The following SMCO2 variants were observed in gnomAD, a reference collection of about 807,000 sequenced individuals.
SMCO2 encodes single-pass membrane protein with coiled-coil domains 2, also known as single-pass membrane and coiled-coil domain-containing protein 2.
SMCO2 carries 25 observed loss-of-function variants against 29.5 expected under a neutral mutation model. The observed-to-expected ratio is 0.85, with a 90% CI of 0.62 to 1.18. The LOEUF (loss-of-function observed/expected upper bound fraction) is 1.18, where lower values mean the gene tolerates loss of function less well. Ranked by LOEUF, SMCO2 falls within the 50% of genes most tolerant of loss-of-function variation. The pLI is 0.00. For missense variants in SMCO2, 348 were observed against 344.5 expected, an observed-to-expected ratio of 1.01 and a Z score of -0.08; for synonymous variants, 117 against 123.3, an observed-to-expected ratio of 0.95 and a Z score of 0.34.
chr12:27,445,495 A>G, the SMCO2 span, among the ~76,000 whole-genome samples: 3 of 152,244 alleles, frequency 2.0e-5, no homozygotes, highest in African/African-American at 4.8e-5. Context: ...TTGAATTTCA[A>G]TAATTCATAT....
At chr12:27,456,190 G>A in the SMCO2 span, among the ~76,000 whole-genome samples, 1 of 152,132 alleles carries the variant, frequency 6.6e-6, no homozygotes, top group Admixed American at 6.5e-5. Context: ...ACTCCAGCCT[G>A]GGCAACAAGA....
At chr12:27,459,622 A>G in the SMCO2 span, among the ~76,000 whole-genome samples, 3 of 152,318 alleles carry the variant, frequency 2.0e-5, no homozygotes, top group East Asian at 3.9e-4. Flanking sequence ...AACCAAAAAT[A>G]AAAGTTAAAA....
intron 4 of SMCO2, among the ~76,000 whole-genome samples, chr12:27,482,997 G>T (rs1234573357): frequency 1.3e-5 from 2 of 152,184 alleles, no homozygotes; most frequent in Non-Finnish European, 2.9e-5. Flanking sequence ...AAAGCGCTGG[G>T]ATTACTGGTG....
intron 4 of SMCO2, among the ~76,000 whole-genome samples, chr12:27,487,799 C>T (rs1431631981): frequency 1.4e-5 from 2 of 141,958 alleles, no homozygotes; most frequent in African/African-American, 5.3e-5. Flanking sequence ...AGTGATATAT[C>T]ATTGTGGTAC....
chr12:27,478,082 C>T (rs1165080877), intron 4 of SMCO2, among the ~76,000 whole-genome samples: 3 of 152,082 alleles, frequency 2.0e-5, no homozygotes, highest in African/African-American at 7.2e-5. Flanking sequence ...TTTCCTAAAG[C>T]TGTATTTATA....
At chr12:27,495,558 A>T (rs1006361954) in intron 6 of SMCO2, 122 bp from the exon 8 acceptor site, 1 of 820,748 alleles carries the variant, frequency 1.2e-6, no homozygotes, top group Non-Finnish European at 1.8e-6. Flanking sequence ...CATGGGACCT[A>T]TGTGTGATTT....
intron 4 of SMCO2, among the ~76,000 whole-genome samples, chr12:27,482,282 T>A (rs1004424278): frequency 1.3e-5 from 2 of 152,164 alleles, no homozygotes; most frequent in Non-Finnish European, 1.5e-5. Context: ...TATTTTTATA[T>A]CTGTAAATAT....
the SMCO2 span, among the ~76,000 whole-genome samples, chr12:27,435,782 G>A: frequency 6.6e-6 from 1 of 152,086 alleles, no homozygotes; most frequent in Non-Finnish European, 1.5e-5. Flanking sequence ...AGGCATCTCT[G>A]GAGAAAGTCA....
chr12:27,495,585 A>C, intron 6 of SMCO2, 95 bp from the exon 8 acceptor site: 1 of 1,217,968 alleles, frequency 8.2e-7, no homozygotes, highest in South Asian at 2.5e-5. Flanking sequence ...TGGGCCCCCA[A>C]GGTGATCCAG....
chr12:27,465,084 G>A (rs1449353941), upstream of SMCO2, among the ~76,000 whole-genome samples: 3 of 146,238 alleles, frequency 2.1e-5, no homozygotes, highest in East Asian at 2.0e-4. Flanking sequence ...GAGAGAGAGA[G>A]AAAAGAATTT....
chr12:27,434,275 G>C, the SMCO2 span, among the ~76,000 whole-genome samples: 1 of 152,174 alleles, frequency 6.6e-6, no homozygotes, highest in Non-Finnish European at 1.5e-5. Context: ...CAGAAACTCT[G>C]AATATGGGGC....
rs1949605884 is a variant in SMCO2, at chr12:27,478,078, A to G, written c.362+3165A>G. Reference sequence around the variant, plus strand: ...TCATAGGGAAAGATTAGGTTTTCCTAAAGCTGTATTTATAGTGTTAGTTGA... The same window carrying G: ...TCATAGGGAAAGATTAGGTTTTCCTGAAGCTGTATTTATAGTGTTAGTTGA... On this transcript the variant is annotated intron_variant, in intron 4 of 7. Transcript: ENST00000298876. Among the ~76,000 whole-genome samples the G allele has an allele frequency of 3.3e-5, 5 of 152,274 alleles. No individual in the cohort carries two copies. The South Asian group carries it at 1.0e-3, about 32-fold the overall frequency.
the SMCO2 span, among the ~76,000 whole-genome samples, chr12:27,451,470 A>G: frequency 6.6e-6 from 1 of 151,258 alleles, no homozygotes; most frequent in Non-Finnish European, 1.5e-5. Context: ...GCCTCGTTTT[A>G]TATGTGTTTC....
the SMCO2 span, among the ~76,000 whole-genome samples, chr12:27,454,492 G>C: frequency 6.6e-6 from 1 of 152,150 alleles, no homozygotes; most frequent in South Asian, 2.1e-4. Context: ...CCATGTGAAC[G>C]TTTTACAATT....
intron 4 of SMCO2, among the ~76,000 whole-genome samples, chr12:27,478,306 C>T (rs1473921438): frequency 6.6e-6 from 1 of 152,134 alleles, no homozygotes; most frequent in Admixed American, 6.5e-5. Context: ...GTGGTGGCAG[C>T]AGGGTGGGAA....
At chr12:27,501,838 G>A in intron 7 of SMCO2, 85 bp from the exon 9 acceptor site, 1 of 1,067,258 alleles carries the variant, frequency 9.4e-7, no homozygotes, top group Non-Finnish European at 1.3e-6. Flanking sequence ...TGAAGTTTTA[G>A]AGCTACCTGG....
chr12:27,432,507 A>C, the SMCO2 span, among the ~76,000 whole-genome samples: 11 of 152,224 alleles, frequency 7.2e-5, no homozygotes, highest in African/African-American at 2.7e-4. Flanking sequence ...AATTTATACA[A>C]CTATATAAGA....
chr12:27,500,432 T>A (rs2135584312), intron 7 of SMCO2, among the ~76,000 whole-genome samples: 1 of 150,526 alleles, frequency 6.6e-6, no homozygotes, highest in South Asian at 2.1e-4. Context: ...AGATAAAAAA[T>A]GTGTCTGGTT....
Position 27,501,187 on chromosome 12 carries a change from C to T in SMCO2, c.684-736C>T, listed in dbSNP as rs1041378133. Among the ~76,000 whole-genome samples the T allele has an allele frequency of 3.3e-5, 5 of 149,472 alleles. No individual in the cohort carries two copies. The East Asian group carries it at 5.8e-4, about 17-fold the overall frequency. ...ATCCCAGCACTTTGGGAGGCCGAGG[C>T]GGGCGGATCACGAGGTCAGGAGATC... On this transcript the variant is annotated intron_variant, in intron 7 of 7. Transcript: ENST00000298876.
Sources: allele counts gnomAD v4.1 joint callset (sites outside exome capture counted in the v4.1 genomes callset), GRCh38; gene constraint gnomAD v4.1.1; transcripts MANE v1.5; gene names NCBI Gene and HGNC (gene_info 2026-07-23, HGNC 2026-07-21).